The following CSMD3 variants were observed in gnomAD, a reference collection of about 807,000 sequenced individuals.
CSMD3 encodes the protein CUB and sushi domain-containing protein 3.
CSMD3 carries 177 observed loss-of-function variants against 435.2 expected under a neutral mutation model. The observed-to-expected ratio is 0.41, with a 90% confidence interval of 0.36 to 0.46. The LOEUF (loss-of-function observed/expected upper bound fraction) is 0.46, where lower values mean the gene tolerates loss of function less well. Ranked by LOEUF, CSMD3 falls within the 20% of genes least tolerant of loss-of-function variation. The pLI is 0.34. For synonymous variants in CSMD3, 1,656 were observed against 1,520.5 expected (o/e 1.09, Z -2.07); for missense variants, 4,265 against 4,504.6 (o/e 0.95, Z 1.52).
intron 2 of CSMD3, among the ~76,000 whole-genome samples, chr8:113,286,439 T>A (rs2093647259): frequency 6.6e-6 from 1 of 152,130 alleles, no homozygotes; most frequent in African/African-American, 2.4e-5. Flanking sequence ...ATTTAAAATG[T>A]CAATGAATAT....
chr8:112,512,604 A>T (rs746947868), intron 28 of CSMD3, among the ~76,000 whole-genome samples: 1 of 152,218 alleles, frequency 6.6e-6, no homozygotes, highest in Non-Finnish European at 1.5e-5. Context: ...TTTATAGATC[A>T]CAGGTATAAT....
intron 11 of CSMD3, 132 bp from the exon 12 acceptor site, chr8:112,829,921 ACAC>A (rs1210661417): frequency 6.8e-5 from 25 of 369,238 alleles, no homozygotes; most frequent in Non-Finnish European, 1.8e-5. Context: ...ACACACACAC[ACAC>A]ACAAGCAGTT....
At chr8:113,249,953 T>G (rs1200641406) in intron 3 of CSMD3, among the ~76,000 whole-genome samples, 2 of 152,012 alleles carry the variant, frequency 1.3e-5, no homozygotes, top group African/African-American at 4.8e-5. Context: ...ATTGTAGAAG[T>G]GTGTATTTAG....
intron 21 of CSMD3, among the ~76,000 whole-genome samples, chr8:112,637,206 T>A (rs1490740710): frequency 6.6e-6 from 1 of 152,142 alleles, no homozygotes; most frequent in African/African-American, 2.4e-5. Flanking sequence ...TGATAAATAT[T>A]TGTATTTGTG....
chr8:113,295,416 T>C (rs1163797560), intron 2 of CSMD3, among the ~76,000 whole-genome samples: 1 of 152,174 alleles, frequency 6.6e-6, no homozygotes, highest in East Asian at 1.9e-4. Context: ...GACAGACATT[T>C]AGAATTAAGT....
intron 22 of CSMD3, among the ~76,000 whole-genome samples, chr8:112,616,653 G>C (rs576184523): frequency 6.6e-6 from 1 of 152,026 alleles, no homozygotes; most frequent in Non-Finnish European, 1.5e-5. Flanking sequence ...TTATTACACA[G>C]ACAGGAAACA....
At chr8:112,443,147 G>A (rs1815223447) in intron 32 of CSMD3, among the ~76,000 whole-genome samples, 1 of 152,154 alleles carries the variant, frequency 6.6e-6, no homozygotes, top group Non-Finnish European at 1.5e-5. Context: ...AGTGCAAAGT[G>A]GAGTGTTTAA....
At chr8:113,154,187 C>T (rs2091889087) in intron 4 of CSMD3, among the ~76,000 whole-genome samples, 1 of 151,928 alleles carries the variant, frequency 6.6e-6, no homozygotes, top group African/African-American at 2.4e-5. Context: ...AGGAAAATTA[C>T]CTACAAAACC....
rs147091807 is a variant in CSMD3, at chr8:113,164,077, G to C, written c.709+9645C>G. ...GACTATAAACTAATCGTGTTTTCCA[G>C]ATTTGTTTAGGGTGTAAGAAAAATA... On this transcript the variant is annotated intron_variant, in intron 4 of 70. Coordinates refer to ENST00000297405, the MANE Select transcript of CSMD3 (RefSeq NM_198123.2). Among the ~76,000 whole-genome samples, 78 of 151,990 alleles carry C rather than the reference G, an allele frequency of 5.1e-4. No homozygotes were observed. The East Asian group carries it at 0.012, about 24-fold the overall frequency.
chr8:113,414,651 CAAAA>C (rs780988317), intron 1 of CSMD3, among the ~76,000 whole-genome samples: 1 of 85,068 alleles, frequency 1.2e-5, no homozygotes, highest in Non-Finnish European at 2.5e-5. Flanking sequence ...TGCCCAAATA[CAAAA>C]AAAAAAAAAA....
chr8:112,992,723 A>G (rs1369321231), intron 6 of CSMD3, among the ~76,000 whole-genome samples: 1 of 151,816 alleles, frequency 6.6e-6, no homozygotes. Context: ...TCAGCAATGG[A>G]GAAGGGAAGA....
chr8:112,582,300 A>G (rs1830390801), intron 23 of CSMD3, among the ~76,000 whole-genome samples: 1 of 152,110 alleles, frequency 6.6e-6, no homozygotes, highest in East Asian at 1.9e-4. Flanking sequence ...CCTCACCAGA[A>G]GTCCAGCTGA....
Position 112,865,660 on chromosome 8 carries a change from T to C in CSMD3, c.1634-6394A>G, listed in dbSNP as rs146400562. Reference sequence around the variant, plus strand: ...TCTGCTTAATATCTCTAAACTTTAGTTTCTTAAGTATTACCTTTACATACC... The same window carrying C: ...TCTGCTTAATATCTCTAAACTTTAGCTTCTTAAGTATTACCTTTACATACC... On this transcript the variant is annotated intron_variant, in intron 10 of 70. Transcript: ENST00000297405. 1.7e-3 allele frequency among the ~76,000 whole-genome samples: 249 copies of C among 150,344 alleles called. 1 individual carries two copies. The highest frequency in any genetic ancestry group is 5.9e-3 in the African/African-American group (242 of 40,816).
intron 31 of CSMD3, among the ~76,000 whole-genome samples, chr8:112,479,102 C>T (rs1044964730): frequency 6.6e-6 from 1 of 152,194 alleles, no homozygotes; most frequent in Non-Finnish European, 1.5e-5. Flanking sequence ...AGGGAACTAC[C>T]AACTGCGAGT....
chr8:113,094,096 C>T (rs943851480), intron 5 of CSMD3, among the ~76,000 whole-genome samples: 2 of 152,030 alleles, frequency 1.3e-5, no homozygotes, highest in African/African-American at 2.4e-5. Flanking sequence ...ATCTTCTGGG[C>T]CCAATGTATT....
intron 22 of CSMD3, among the ~76,000 whole-genome samples, chr8:112,615,860 A>G (rs1236015739): frequency 2.6e-5 from 4 of 152,256 alleles, no homozygotes; most frequent in African/African-American, 9.6e-5. Context: ...TTGATGTAAA[A>G]TAAGTGTTGG....
rs1379861200 is a variant in CSMD3, at chr8:112,488,542, T to C, written c.5278+3947A>G. ...GGAATCACAGTTAACTTCCTACGTATGCACTCAAAAGCAATGCCTACCAGT... is the reference window on the plus strand; with the variant it reads ...GGAATCACAGTTAACTTCCTACGTACGCACTCAAAAGCAATGCCTACCAGT... On this transcript the variant is annotated intron_variant, in intron 31 of 70. Coordinates refer to ENST00000297405, the MANE Select transcript of CSMD3 (RefSeq NM_198123.2). Among the ~76,000 whole-genome samples the C allele has an allele frequency of 2.0e-5, 3 of 152,346 alleles. No homozygotes were observed. The East Asian group carries it at 5.8e-4, about 29-fold the overall frequency.
At chr8:112,432,506 T>C (rs1813829442) in intron 32 of CSMD3, among the ~76,000 whole-genome samples, 1 of 151,886 alleles carries the variant, frequency 6.6e-6, no homozygotes, top group Admixed American at 6.6e-5. Flanking sequence ...AAATATAGAG[T>C]CTCACTATGT....
At chr8:112,781,230 G>A (rs1045218837) in intron 13 of CSMD3, among the ~76,000 whole-genome samples, 1 of 152,048 alleles carries the variant, frequency 6.6e-6, no homozygotes, top group Non-Finnish European at 1.5e-5. Flanking sequence ...GAAGGATTCT[G>A]CATAATCTGA....
Sources: gnomAD v4.1 joint callset for allele counts (sites outside exome capture counted in the v4.1 genomes callset) on GRCh38, gnomAD v4.1.1 for gene constraint, MANE v1.5 for transcripts, NCBI Gene and HGNC (gene_info 2026-07-23, HGNC 2026-07-21) for gene names.